Variants in IL1RAPL2 observed in about 807,000 individuals in gnomAD.
IL1RAPL2 encodes interleukin 1 receptor accessory protein like 2.
IL1RAPL2 carries 3 observed loss-of-function variants against 44.1 expected under a neutral mutation model. The ratio of observed to expected loss-of-function variants is 0.07; its 90% CI spans 0.03 to 0.18. The LOEUF (loss-of-function observed/expected upper bound fraction) is 0.18, where lower values mean the gene tolerates loss of function less well. Ranked by LOEUF, IL1RAPL2 falls within the 10% of genes least tolerant of loss-of-function variation. The pLI is 1.00. For missense variants in IL1RAPL2, 391 were observed against 496.4 expected, an observed-to-expected ratio of 0.79 and a Z score of 2.02; for synonymous variants, 181 against 178.8, an observed-to-expected ratio of 1.01 and a Z score of -0.10.
At chrX:104,688,239 G>A (rs144935338) in intron 2 of IL1RAPL2, among the ~76,000 whole-genome samples, 1,141 of 111,893 alleles carry the variant, frequency 0.01, 15 homozygotes, top group African/African-American at 0.036. Context: ...TTCTCAGAGA[G>A]GTTGTCACTA....
At chrX:105,755,692 T>C (rs1358762486) in intron 10 of IL1RAPL2, among the ~76,000 whole-genome samples, 2 of 111,969 alleles carry the variant, frequency 1.8e-5, no homozygotes, top group Admixed American at 9.5e-5. Flanking sequence ...CTTCTGTCAC[T>C]GAGGGTCTAC....
At chrX:105,107,966 G>A (rs781432947) in intron 2 of IL1RAPL2, among the ~76,000 whole-genome samples, 123 of 111,435 alleles carry the variant, frequency 1.1e-3, no homozygotes, top group African/African-American at 3.6e-3. Flanking sequence ...CTTTACAGGT[G>A]CTTTTTCTCA....
chrX:105,148,244 G>C (rs929347452), intron 2 of IL1RAPL2, among the ~76,000 whole-genome samples: 4 of 110,962 alleles, frequency 3.6e-5, no homozygotes, highest in Non-Finnish European at 7.5e-5. Flanking sequence ...TGGACCTATG[G>C]CCACCTCCAT....
intron 2 of IL1RAPL2, among the ~76,000 whole-genome samples, chrX:104,952,841 C>A (rs1925621988): frequency 8.9e-6 from 1 of 112,263 alleles, no homozygotes; most frequent in Admixed American, 9.5e-5. Context: ...TATATGCTTA[C>A]CAAATTCTGT....
intron 5 of IL1RAPL2, among the ~76,000 whole-genome samples, chrX:105,324,262 G>A (rs1330260377): frequency 9.0e-6 from 1 of 111,018 alleles, no homozygotes; most frequent in Non-Finnish European, 1.9e-5. Context: ...GCTTTAGGAT[G>A]TCAGAAGTGG....
At chrX:104,989,570 A>T (rs896563413) in intron 2 of IL1RAPL2, among the ~76,000 whole-genome samples, 3 of 111,832 alleles carry the variant, frequency 2.7e-5, no homozygotes, top group African/African-American at 9.8e-5. Flanking sequence ...ACATTCATAC[A>T]GTCCTCTTAC....
rs773735037 is a variant in IL1RAPL2 at position 105,276,932 on chromosome X, T to G, written c.697+9391T>G. 2.1e-4 allele frequency among the ~76,000 whole-genome samples: 24 copies of G among 111,699 alleles called. 1 individual carries two copies. Among genetic ancestry groups the G allele is most frequent in the Non-Finnish European group, 3.8e-4 (20 of 53,156 alleles). ...CTAATCACACCATCCAGTAGACTAG[T>G]CGATCCAACAAGAGTGAAAGGGGCA... On this transcript the variant is annotated intron_variant, in intron 5 of 10. Coordinates refer to ENST00000372582, the MANE Select transcript of IL1RAPL2 (RefSeq NM_017416.2).
chrX:105,350,996 T>G (rs1457582109), intron 5 of IL1RAPL2, among the ~76,000 whole-genome samples: 2 of 111,577 alleles, frequency 1.8e-5, no homozygotes, highest in African/African-American at 6.5e-5. Flanking sequence ...AAGAAGACAT[T>G]TATGCAGCCA....
At chrX:104,781,653 G>C (rs930800281) in intron 2 of IL1RAPL2, among the ~76,000 whole-genome samples, 24 of 111,602 alleles carry the variant, frequency 2.2e-4, no homozygotes, top group Non-Finnish European at 5.6e-5. Flanking sequence ...AAGAAAGAGA[G>C]GTTATGGAGG....
In IL1RAPL2 at chrX:105,176,074, C is replaced by G. The variant is rs138583852; in HGVS notation, c.83-19401C>G. 6.4e-3 allele frequency among the ~76,000 whole-genome samples: 708 copies of G among 110,715 alleles called. 6 individuals carry two copies. Among genetic ancestry groups the G allele is most frequent in the African/African-American group, 0.022 (676 of 30,426 alleles). ...AAAAGTAAAGCGTAATAGAAACTTT[C>G]CTGGTAGTACTTCCTGGTTAACTAA... On this transcript the variant is annotated intron_variant, in intron 2 of 10. Coordinates refer to ENST00000372582, the MANE Select transcript of IL1RAPL2 (RefSeq NM_017416.2).
chrX:105,724,146 C>G (rs888517869), intron 7 of IL1RAPL2, among the ~76,000 whole-genome samples: 2 of 111,114 alleles, frequency 1.8e-5, no homozygotes, highest in African/African-American at 3.3e-5. Context: ...GCAGCTTGAT[C>G]CTAGAAATGT....
intron 2 of IL1RAPL2, among the ~76,000 whole-genome samples, chrX:104,805,615 G>T (rs761943785): frequency 3.6e-5 from 4 of 111,998 alleles, no homozygotes; most frequent in South Asian, 3.7e-4. Context: ...TGAATAAAAT[G>T]ATCTCTAAAG....
At chrX:105,486,219 A>G (rs181339090) in intron 6 of IL1RAPL2, among the ~76,000 whole-genome samples, 1 of 112,034 alleles carries the variant, frequency 8.9e-6, no homozygotes, top group African/African-American at 3.2e-5. Context: ...TGATCTTTAT[A>G]ATTCAGTTGG....
In IL1RAPL2 at chrX:105,090,951, C is replaced by T. The variant is rs766970776; in HGVS notation, c.83-104524C>T. The stretch of plus-strand genomic sequence containing the variant: ...TGAACTGTGAGGACTCAGGATCCAG[C>T]TGGCCCTAGATACTTAGGGAAACTA... On this transcript the variant is annotated intron_variant, in intron 2 of 10. Transcript: ENST00000372582. Among the ~76,000 whole-genome samples, 8 of 111,841 alleles carry T rather than the reference C, an allele frequency of 7.2e-5. No homozygotes were observed. In the East Asian group the frequency reaches 2.0e-3, roughly 28 times the overall value.
intron 6 of IL1RAPL2, among the ~76,000 whole-genome samples, chrX:105,583,769 T>C (rs1215714640): frequency 6.2e-5 from 7 of 112,163 alleles, no homozygotes; most frequent in African/African-American, 2.3e-4. Context: ...ATTCTCTCAT[T>C]CTTTGTTCTT....
At chrX:105,720,029 A>G (rs1412031182) in intron 7 of IL1RAPL2, among the ~76,000 whole-genome samples, 1 of 111,612 alleles carries the variant, frequency 9.0e-6, no homozygotes. Flanking sequence ...AGAACAAGAA[A>G]CTGGTCCCAA....
At chrX:105,744,159 T>G (rs981241341) in intron 8 of IL1RAPL2, among the ~76,000 whole-genome samples, 1 of 112,280 alleles carries the variant, frequency 8.9e-6, no homozygotes, top group East Asian at 2.8e-4. Context: ...TCTTTTAATT[T>G]TTAAATATTA....
intron 2 of IL1RAPL2, among the ~76,000 whole-genome samples, chrX:104,952,371 A>G (rs1465091061): frequency 1.8e-5 from 2 of 112,074 alleles, no homozygotes; most frequent in African/African-American, 6.5e-5. Flanking sequence ...GCATGCCTCA[A>G]GCATCTATAG....
intron 6 of IL1RAPL2, among the ~76,000 whole-genome samples, chrX:105,528,230 A>G (rs2036607388): frequency 9.0e-6 from 1 of 111,589 alleles, no homozygotes; most frequent in African/African-American, 3.2e-5. Context: ...GTACTTTTTT[A>G]TCTGTTATCT....
Sources: gnomAD v4.1 joint callset for allele counts (sites outside exome capture counted in the v4.1 genomes callset) on GRCh38, gnomAD v4.1.1 for gene constraint, MANE v1.5 for transcripts, NCBI Gene and HGNC (gene_info 2026-07-23, HGNC 2026-07-21) for gene names.